SLC7A9: variants seen among roughly 807,000 people sequenced by gnomAD.
SLC7A9 encodes the protein B(0,+)-type amino acid transporter 1.
SLC7A9 carries 38 observed loss-of-function variants against 54.1 expected under a neutral mutation model. The ratio of observed to expected loss-of-function variants is 0.70; its 90% CI spans 0.54 to 0.92. The LOEUF is 0.92. Ranked by LOEUF, SLC7A9 falls within the 40% of genes least tolerant of loss-of-function variation. The pLI, the probability that SLC7A9 is intolerant of heterozygous loss-of-function variation, is 0.00. For missense variants in SLC7A9, 537 were observed against 636.1 expected (o/e 0.84, Z 1.68); for synonymous variants, 264 against 258.9 (o/e 1.02, Z -0.19).
intron 9 of SLC7A9, among the ~76,000 whole-genome samples, chr19:32,844,431 G>A (rs1408775529): frequency 6.6e-6 from 1 of 152,136 alleles, no homozygotes; most frequent in Non-Finnish European, 1.5e-5. Context: ...CTGTCTAGCT[G>A]TAATTTTGTA....
At position 32,843,846 on chromosome 19, in the gene SLC7A9, T is replaced by C. The variant is rs762772114; in HGVS notation, c.1074+9A>G. ...TTGAAGATAGGCTGGTAGCGGGATT[T>C]GTACTCACATAAAAGATGATGGCGG... On this transcript the variant is annotated intron_variant, in intron 10 of 12. Coordinates refer to ENST00000023064, the MANE Select transcript of SLC7A9 (RefSeq NM_014270.5). The C allele has an allele frequency of 2.4e-5, 38 of 1,606,270 alleles. No individual in the cohort carries two copies. The highest frequency in any genetic ancestry group is 3.1e-5 in the Non-Finnish European group (36 of 1,172,960).
At chr19:32,866,669 T>A (rs1359300344) in intron 2 of SLC7A9, among the ~76,000 whole-genome samples, 1 of 152,194 alleles carries the variant, frequency 6.6e-6, no homozygotes, top group Admixed American at 6.5e-5. Flanking sequence ...TAAGAGGCCC[T>A]TCCTGAGATC....
At chr19:32,864,559 C>G in intron 3 of SLC7A9, 70 bp downstream of exon 3, 2 of 1,596,298 alleles carry the variant, frequency 1.3e-6, no homozygotes, top group South Asian at 1.1e-5. Context: ...TGAGGGCTGG[C>G]ACAGGTAGCA....
At chr19:32,851,786 A>G (rs1453429600) in intron 9 of SLC7A9, among the ~76,000 whole-genome samples, 2 of 152,128 alleles carry the variant, frequency 1.3e-5, no homozygotes, top group African/African-American at 4.8e-5. Context: ...GTCCAACAAC[A>G]ATAGACTGGA....
In SLC7A9 at chr19:32,862,207, C is replaced by CT. The variant is rs745319034; in HGVS notation, c.614dup (p.Asn206GlufsTer3). On this transcript the variant is annotated frameshift_variant, in exon 6 of 13. Transcript: ENST00000023064. LOFTEE classifies it high-confidence loss of function. ...CGCCCTCGAAAGAATTATCAAAATT[C>CT]TTTGTGTTTCCTGTAATGAAGCCAG... The CT allele has an allele frequency of 5.1e-4, 831 of 1,613,766 alleles. No homozygotes were observed. The highest frequency in any genetic ancestry group is 6.7e-4 in the Non-Finnish European group (791 of 1,179,658).
At chr19:32,857,190 A>G (rs1968653070) in intron 9 of SLC7A9, among the ~76,000 whole-genome samples, 1 of 152,038 alleles carries the variant, frequency 6.6e-6, no homozygotes, top group Non-Finnish European at 1.5e-5. Flanking sequence ...CATGCCTGTA[A>G]TTCCAGGGCT....
chr19:32,842,597 T>TTTTGTTTTGTTTTG (rs1968159846), intron 10 of SLC7A9, among the ~76,000 whole-genome samples: 11 of 148,998 alleles, frequency 7.4e-5, no homozygotes, highest in African/African-American at 2.5e-4. Flanking sequence ...ACTGTGGGTT[T>TTTTGTTTTGTTTTG]TTTTGTTTTG....
chr19:32,852,845 AGGAG>A (rs1478251345), intron 9 of SLC7A9, among the ~76,000 whole-genome samples: 1 of 152,070 alleles, frequency 6.6e-6, no homozygotes, highest in Non-Finnish European at 1.5e-5. Context: ...TAAACAGACA[AGGAG>A]AAGTCTGACG....
chr19:32,847,819 C>G (rs1477859720), intron 9 of SLC7A9, among the ~76,000 whole-genome samples: 1 of 152,180 alleles, frequency 6.6e-6, no homozygotes, highest in East Asian at 1.9e-4. Flanking sequence ...GGAAGCCGGT[C>G]AGACTAACAG....
chr19:32,856,687 C>T (rs899950305), intron 9 of SLC7A9, among the ~76,000 whole-genome samples: 1 of 152,022 alleles, frequency 6.6e-6, no homozygotes, highest in African/African-American at 2.4e-5. Flanking sequence ...CCCACTGCAG[C>T]CTGGAACTTC....
rs1287819836 is a variant in SLC7A9 at position 32,842,204 on chromosome 19, C to T, written c.1188G>A (p.Met396Ile). Residue 396 changes from methionine to isoleucine, a missense_variant, in exon 11 of 13, where the codon ATG becomes ATA. Transcript: ENST00000023064. ...YGLTILGLIV[M>I]RFTRKELERP... ...TTTCCAGCTCTTTCCTTGTAAATCTCATCACGATGAGTCCTAGAATCGTCA... is the reference window on the plus strand; with the variant it reads ...TTTCCAGCTCTTTCCTTGTAAATCTTATCACGATGAGTCCTAGAATCGTCA... The T allele has an allele frequency of 6.2e-7, 1 of 1,614,172 alleles. No homozygotes were observed. Among genetic ancestry groups the T allele is most frequent in the South Asian group, 1.1e-5 (1 of 91,074 alleles).
At chr19:32,854,275 A>T (rs1359169491) in intron 9 of SLC7A9, among the ~76,000 whole-genome samples, 1 of 151,964 alleles carries the variant, frequency 6.6e-6, no homozygotes, top group Non-Finnish European at 1.5e-5. Flanking sequence ...CGGCCTCCCA[A>T]AGTGCTTTGA....
At chr19:32,856,081 A>G (rs1968618278) in intron 9 of SLC7A9, among the ~76,000 whole-genome samples, 5 of 152,162 alleles carry the variant, frequency 3.3e-5, no homozygotes. Flanking sequence ...AAAAGGGGAA[A>G]TGTTGGTCAA....
At chr19:32,830,898 ACCT>A (rs979434920) in intron 12 of SLC7A9, among the ~76,000 whole-genome samples, 1 of 151,984 alleles carries the variant, frequency 6.6e-6, no homozygotes, top group African/African-American at 2.4e-5. Flanking sequence ...AGAAATAAAA[ACCT>A]CCTAGGAGTG....
At chr19:32,837,393 G>C (rs1967988657) in intron 11 of SLC7A9, among the ~76,000 whole-genome samples, 1 of 151,664 alleles carries the variant, frequency 6.6e-6, no homozygotes, top group South Asian at 2.1e-4. Flanking sequence ...TATTTGGGAG[G>C]CTGAGGTGGG....
chr19:32,858,310 G>A lies in SLC7A9; in HGVS notation c.977+130C>T, dbSNP rs1056561774. The A allele has an allele frequency of 5.7e-6, 4 of 702,666 alleles. No individual in the cohort carries two copies. In the African/African-American group the frequency reaches 7.0e-5, roughly 12 times the overall value. 43.5% of individuals were successfully genotyped at this position (702,666 alleles called of 1,614,324 possible). A position where few individuals can be genotyped will look rare whatever the true frequency, so the allele number is the denominator to read the frequency against. On this transcript the variant is annotated intron_variant, in intron 9 of 12. Transcript: ENST00000023064. ...AGCTACATCCCTTCTCTGGATTTGG[G>A]TCTCCTACTTGTACTGGCGTGGGTT...
At chr19:32,854,215 A>ATGT (rs1483488324) in intron 9 of SLC7A9, among the ~76,000 whole-genome samples, 22 of 151,974 alleles carry the variant, frequency 1.4e-4, no homozygotes, top group African/African-American at 5.3e-4. Flanking sequence ...GGGTCTCACT[A>ATGT]TGTTGCCTAG....
In SLC7A9 at chr19:32,846,555, GA is replaced by G. The variant is rs1968302394; in HGVS notation, c.978-2605del. ...TGGGTGGAGCCCACCACAGCTCAAGGAGGCCTGCCTGCCTCTGTAGGCTCCA... is the reference window on the plus strand; with the variant it reads ...TGGGTGGAGCCCACCACAGCTCAAGGGGCCTGCCTGCCTCTGTAGGCTCCA... On this transcript the variant is annotated intron_variant, in intron 9 of 12. Coordinates refer to ENST00000023064, the MANE Select transcript of SLC7A9 (RefSeq NM_014270.5). Among the ~76,000 whole-genome samples, 3 of 152,232 alleles carry G rather than the reference GA, an allele frequency of 2.0e-5. No homozygotes were observed. The South Asian group carries it at 6.2e-4, about 31-fold the overall frequency.
At chr19:32,868,230 C>CAAAA (rs57317909) in intron 2 of SLC7A9, among the ~76,000 whole-genome samples, 12 of 88,344 alleles carry the variant, frequency 1.4e-4, no homozygotes, top group Non-Finnish European at 1.9e-4. Flanking sequence ...CACTCCATCT[C>CAAAA]AAAAAAAAAA....
Sources: gnomAD v4.1 joint callset for allele counts (sites outside exome capture counted in the v4.1 genomes callset) on GRCh38, gnomAD v4.1.1 for gene constraint, MANE v1.5 for transcripts, NCBI Gene and HGNC (gene_info 2026-07-23, HGNC 2026-07-21) for gene names.